The following DTNBP1 variants were observed in gnomAD, a reference collection of about 807,000 sequenced individuals.
DTNBP1 encodes dystrobrevin binding protein 1.
A neutral mutation model predicts 42.8 loss-of-function variants in DTNBP1; 35 were observed. The ratio of observed to expected loss-of-function variants is 0.82; its 90% CI spans 0.63 to 1.09. DTNBP1 has a LOEUF of 1.09. Ranked by LOEUF, DTNBP1 falls within the 50% of genes least tolerant of loss-of-function variation. DTNBP1 has a pLI of 0.00. For missense variants in DTNBP1, 457 were observed against 424.2 expected (o/e 1.08, Z -0.68); for synonymous variants, 171 against 162.2 (o/e 1.05, Z -0.41).
chr6:15,613,567 C>T (rs1207874897), intron 6 of DTNBP1, among the ~76,000 whole-genome samples: 3 of 151,762 alleles, frequency 2.0e-5, no homozygotes, highest in Non-Finnish European at 2.9e-5. Flanking sequence ...AGGGTTTCAC[C>T]GTGTTAGCCA....
rs996737879 is a variant in DTNBP1, at chr6:15,524,545, A to C, written c.792T>G (p.Thr264=). ...CCCTACCTAAGGCGGGGGACAGCAC[A>C]GTGTTCTCTTCTCCTCCAGAGTTCA... is the stretch of plus-strand genomic sequence containing the variant. ...VFLNSGGEEN[T]VLSPALGPES... is the part of the protein sequence containing the mutation. Residue 264 remains threonine, a synonymous_variant, in exon 9 of 10, where the codon ACT becomes ACG. Transcript: ENST00000344537. 1.5e-5 allele frequency: 24 copies of C among 1,609,500 alleles called. No homozygotes were observed. Among genetic ancestry groups the C allele is most frequent in the Non-Finnish European group, 1.9e-5 (22 of 1,177,172 alleles).
intron 1 of DTNBP1, among the ~76,000 whole-genome samples, chr6:15,661,735 C>A (rs1183408638): frequency 1.3e-5 from 2 of 152,164 alleles, no homozygotes; most frequent in African/African-American, 4.8e-5. Context: ...GATTTGTAAG[C>A]TAAAGTTGAA....
chr6:15,544,714 T>G (rs1427807462), intron 7 of DTNBP1, among the ~76,000 whole-genome samples: 3 of 152,218 alleles, frequency 2.0e-5, no homozygotes, highest in African/African-American at 7.2e-5. Flanking sequence ...GCTCAACCAG[T>G]AAGTGCATAC....
intron 7 of DTNBP1, among the ~76,000 whole-genome samples, chr6:15,543,553 C>A (rs1488352752): frequency 2.0e-5 from 3 of 152,202 alleles, no homozygotes; most frequent in Non-Finnish European, 2.9e-5. Context: ...TGTTAACTTC[C>A]TTTAAAATTC....
intron 1 of DTNBP1, among the ~76,000 whole-genome samples, chr6:15,659,996 G>A (rs1315678215): frequency 6.6e-6 from 1 of 152,190 alleles, no homozygotes; most frequent in Non-Finnish European, 1.5e-5. Flanking sequence ...ACAGTCGTCT[G>A]TTTTAAAAAT....
At chr6:15,526,995 G>A (rs1772451892) in intron 8 of DTNBP1, among the ~76,000 whole-genome samples, 1 of 152,228 alleles carries the variant, frequency 6.6e-6, no homozygotes, top group South Asian at 2.1e-4. Context: ...TCTGTTTACA[G>A]GAGACAAATA....
intron 4 of DTNBP1, among the ~76,000 whole-genome samples, chr6:15,636,248 T>C (rs1760016024): frequency 6.7e-6 from 1 of 148,336 alleles, no homozygotes; most frequent in African/African-American, 2.5e-5. Context: ...CCTCCCAGGT[T>C]GAAGCGATTC....
intron 6 of DTNBP1, among the ~76,000 whole-genome samples, chr6:15,602,385 C>T (rs1776765079): frequency 1.3e-5 from 2 of 152,142 alleles, no homozygotes; most frequent in African/African-American, 2.4e-5. Context: ...GGCAGGCTGC[C>T]AGGTGTGCCT....
intron 6 of DTNBP1, among the ~76,000 whole-genome samples, chr6:15,607,010 A>AATT (rs779151958): frequency 1.4e-5 from 2 of 138,060 alleles, no homozygotes; most frequent in African/African-American, 2.7e-5. Flanking sequence ...TCAAAAAAAA[A>AATT]TTTTTTTTTT....
chr6:15,523,647 T>C, intron 9 of DTNBP1: 1 of 1,287,430 alleles, frequency 7.8e-7, no homozygotes, highest in Non-Finnish European at 1.0e-6. Flanking sequence ...AGTTCTCCAA[T>C]TTTATGGAAC....
chr6:15,580,552 C>T (rs1278548955), intron 7 of DTNBP1, among the ~76,000 whole-genome samples: 2 of 152,264 alleles, frequency 1.3e-5, no homozygotes, highest in South Asian at 2.1e-4. Flanking sequence ...TGAGGCAATG[C>T]TCATTTCATA....
At chr6:15,655,020 GAC>G (rs748091611) in intron 1 of DTNBP1, among the ~76,000 whole-genome samples, 1 of 152,180 alleles carries the variant, frequency 6.6e-6, no homozygotes, top group Non-Finnish European at 1.5e-5. Context: ...TAAAGGGAGA[GAC>G]AAGGCAAACG....
intron 7 of DTNBP1, among the ~76,000 whole-genome samples, chr6:15,534,225 C>T (rs1297461392): frequency 4.6e-5 from 7 of 152,044 alleles, no homozygotes; most frequent in African/African-American, 1.5e-4. Context: ...TTTTACAAGA[C>T]GAAAGACATC....
chr6:15,641,774 A>T (rs909388275), intron 3 of DTNBP1, among the ~76,000 whole-genome samples: 1 of 152,190 alleles, frequency 6.6e-6, no homozygotes, highest in African/African-American at 2.4e-5. Flanking sequence ...AAGCACAGGG[A>T]ACCAGCAGTT....
chr6:15,523,494 T>C, intron 9 of DTNBP1: 5 of 1,284,610 alleles, frequency 3.9e-6, no homozygotes, highest in Non-Finnish European at 5.0e-6. Flanking sequence ...ACGCGTGTAA[T>C]AGAGGCCCAA....
intron 6 of DTNBP1, among the ~76,000 whole-genome samples, chr6:15,597,235 A>T (rs770827720): frequency 1.3e-5 from 2 of 152,208 alleles, no homozygotes; most frequent in African/African-American, 2.4e-5. Context: ...TGGTAATGAC[A>T]TGCTGAGGAT....
intron 6 of DTNBP1, among the ~76,000 whole-genome samples, chr6:15,607,370 T>G (rs531504331): frequency 6.6e-6 from 1 of 152,246 alleles, no homozygotes; most frequent in African/African-American, 2.4e-5. Context: ...GGCACGATCT[T>G]GGCTCACTGC....
chr6:15,604,958 G>A (rs903020451), intron 6 of DTNBP1, among the ~76,000 whole-genome samples: 4 of 152,176 alleles, frequency 2.6e-5, no homozygotes, highest in African/African-American at 9.7e-5. Flanking sequence ...AGTGAAAAAT[G>A]TTTCTGGAGT....
At chr6:15,642,589 C>T (rs948097830) in intron 3 of DTNBP1, among the ~76,000 whole-genome samples, 4 of 152,144 alleles carry the variant, frequency 2.6e-5, no homozygotes, top group Admixed American at 1.3e-4. Context: ...CAAGATGAGC[C>T]CCCTGGGATC....
Sources: allele counts gnomAD v4.1 joint callset (sites outside exome capture counted in the v4.1 genomes callset), GRCh38; gene constraint gnomAD v4.1.1; transcripts MANE v1.5; gene names NCBI Gene and HGNC (gene_info 2026-07-23, HGNC 2026-07-21).